ST7: variants seen among roughly 807,000 people sequenced by gnomAD.
ST7 encodes suppression of tumorigenicity 7.
A neutral mutation model predicts 78.7 loss-of-function variants in ST7; 28 were observed. The observed-to-expected ratio is 0.36, with a 90% CI of 0.26 to 0.49. The LOEUF is 0.49. Ranked by LOEUF, ST7 falls within the 20% of genes least tolerant of loss-of-function variation. The probability of loss-of-function intolerance (pLI) is 0.99; values close to 1 mark genes in which losing one functional copy is unlikely to be tolerated. For synonymous variants in ST7, 247 were observed against 249.6 expected (o/e 0.99, Z 0.10); for missense variants, 418 against 696.0 (o/e 0.60, Z 4.49).
chr7:117,214,692 A>G (rs972918135), intron 13 of ST7, among the ~76,000 whole-genome samples: 3 of 152,142 alleles, frequency 2.0e-5, no homozygotes, highest in African/African-American at 7.2e-5. Context: ...ACTGCCCAGT[A>G]GAACCAACTT....
chr7:117,226,735 G>A (rs1023331991), intron 15 of ST7, among the ~76,000 whole-genome samples: 3 of 152,150 alleles, frequency 2.0e-5, no homozygotes, highest in African/African-American at 7.2e-5. Context: ...GTGGGGGAAG[G>A]TGGCTTAGTA....
intron 10 of ST7, among the ~76,000 whole-genome samples, chr7:117,188,745 A>G (rs576825884): frequency 6.8e-6 from 1 of 147,608 alleles, no homozygotes; most frequent in Non-Finnish European, 1.5e-5. Flanking sequence ...AAAGTTATAT[A>G]TGTTTATTTA....
chr7:117,092,278 C>CAA lies in ST7; in HGVS notation c.152-7459_152-7458dup, dbSNP rs747378081. On this transcript the variant is annotated intron_variant, in intron 1 of 15. Coordinates refer to ENST00000323984, the MANE Select transcript of ST7 (RefSeq NM_001369598.1). ...TGGGCGACAGAGTGAGACTCCGTCT[C>CAA]AAAAAAAAAAAAAAAAAAAAAAAAA... is the stretch of plus-strand genomic sequence containing the variant. Among the ~76,000 whole-genome samples the CAA allele has an allele frequency of 8.5e-3, 256 of 30,182 alleles. 20 individuals are homozygous for CAA. The highest frequency in any genetic ancestry group is 0.013 in the African/African-American group (137 of 10,710). The allele number at this position is 30,182 out of a possible 152,430, so 19.8% of individuals were successfully genotyped here. A position where few individuals can be genotyped will look rare whatever the true frequency, so the allele number is the denominator to read the frequency against.
rs1793195307 is a variant in ST7, at chr7:117,222,861, A to T, written c.1638+799A>T. On this transcript the variant is annotated intron_variant, in intron 15 of 15. Coordinates refer to ENST00000323984, the MANE Select transcript of ST7 (RefSeq NM_001369598.1). The stretch of plus-strand genomic sequence containing the variant: ...CTGGGTTGATTTAATCCCTTTCCAG[A>T]TGATTGACATTTTCTGCTCGGCAGA... 2 of 1,613,252 alleles carry T rather than the reference A, an allele frequency of 1.2e-6. No individual in the cohort carries two copies. The highest frequency in any genetic ancestry group is 1.7e-6 in the Non-Finnish European group (2 of 1,179,214).
At chr7:117,042,989 G>A (rs1797307562) in intron 1 of ST7, among the ~76,000 whole-genome samples, 1 of 151,990 alleles carries the variant, frequency 6.6e-6, no homozygotes, top group Non-Finnish European at 1.5e-5. Flanking sequence ...TTTACTTGAA[G>A]TTTTTAATAT....
intron 3 of ST7, among the ~76,000 whole-genome samples, chr7:117,124,406 G>A (rs144033907): frequency 9.3e-4 from 142 of 152,134 alleles, no homozygotes; most frequent in Middle Eastern, 3.4e-3. Flanking sequence ...GTCACATGGC[G>A]GATAACCTGG....
chr7:117,094,077 A>G (rs1396296908), intron 1 of ST7, among the ~76,000 whole-genome samples: 1 of 152,192 alleles, frequency 6.6e-6, no homozygotes, highest in Non-Finnish European at 1.5e-5. Flanking sequence ...CCTGATTTTT[A>G]GAAGTGCTAT....
intron 9 of ST7, among the ~76,000 whole-genome samples, chr7:117,170,256 G>A (rs1807887558): frequency 2.0e-5 from 3 of 152,040 alleles, no homozygotes; most frequent in Admixed American, 2.0e-4. Flanking sequence ...ATGAAAACCT[G>A]TCTTTGAATC....
intron 12 of ST7, among the ~76,000 whole-genome samples, chr7:117,196,988 T>A (rs779694040): frequency 6.6e-6 from 1 of 152,164 alleles, no homozygotes; most frequent in African/African-American, 2.4e-5. Context: ...AGAGTTCAAT[T>A]TCATTCTGTT....
chr7:117,093,205 T>G (rs137880550), intron 1 of ST7, among the ~76,000 whole-genome samples: 119 of 152,290 alleles, frequency 7.8e-4, no homozygotes, highest in African/African-American at 2.8e-3. Context: ...ATGAAATGAT[T>G]CTTCATTTGT....
chr7:117,163,920 G>T (rs867518833), intron 9 of ST7, among the ~76,000 whole-genome samples: 16 of 151,974 alleles, frequency 1.1e-4, no homozygotes, highest in Non-Finnish European at 2.9e-5. Flanking sequence ...TTATAGTCTT[G>T]GACCTTACAT....
At chr7:117,203,165 C>A (rs758077525) in intron 12 of ST7, among the ~76,000 whole-genome samples, 1 of 152,196 alleles carries the variant, frequency 6.6e-6, no homozygotes, top group East Asian at 1.9e-4. Context: ...AAGGTCAGGG[C>A]ACCCTCTGGA....
chr7:117,166,603 T>G (rs1422237498), intron 9 of ST7, among the ~76,000 whole-genome samples: 1 of 151,966 alleles, frequency 6.6e-6, no homozygotes, highest in Non-Finnish European at 1.5e-5. Context: ...ATAAGAGCCT[T>G]TATGGGCCAG....
intron 9 of ST7, among the ~76,000 whole-genome samples, chr7:117,164,156 A>C (rs1225211836): frequency 6.6e-6 from 1 of 152,194 alleles, no homozygotes; most frequent in African/African-American, 2.4e-5. Context: ...ACACAAACCG[A>C]TGGAACAGAA....
chr7:117,126,278 A>T (rs1803837477), intron 3 of ST7, among the ~76,000 whole-genome samples: 1 of 151,894 alleles, frequency 6.6e-6, no homozygotes. Flanking sequence ...TTAATTTTAG[A>T]AAAAAGTTTT....
chr7:117,140,717 A>C (rs1232477339), intron 9 of ST7, among the ~76,000 whole-genome samples: 1 of 152,204 alleles, frequency 6.6e-6, no homozygotes. Flanking sequence ...TTTCTAAAAA[A>C]AAAGTCTGTC....
chr7:117,177,154 C>T (rs1808402067), intron 10 of ST7, among the ~76,000 whole-genome samples: 1 of 152,182 alleles, frequency 6.6e-6, no homozygotes, highest in South Asian at 2.1e-4. Flanking sequence ...CAGATTTGGA[C>T]ACCAAGAGGT....
chr7:117,098,896 A>G (rs932457007), intron 1 of ST7: 32 of 1,195,804 alleles, frequency 2.7e-5, no homozygotes, highest in Non-Finnish European at 3.5e-5. Context: ...AAATATATGT[A>G]TAAAATACTT....
At chr7:117,170,776 C>A (rs1807931533) in intron 9 of ST7, 86 bp from the exon 10 acceptor site, 1 of 480,750 alleles carries the variant, frequency 2.1e-6, no homozygotes, top group African/African-American at 2.0e-5. Context: ...GTGATATATA[C>A]AATAAATATA....
Sources: allele counts gnomAD v4.1 joint callset (sites outside exome capture counted in the v4.1 genomes callset), GRCh38; gene constraint gnomAD v4.1.1; transcripts MANE v1.5; gene names NCBI Gene and HGNC (gene_info 2026-07-23, HGNC 2026-07-21).